The following ETNPPL variants were observed in gnomAD, a reference collection of about 807,000 sequenced individuals.
The protein encoded by ETNPPL is ethanolamine-phosphate phospho-lyase.
In ETNPPL, 30 loss-of-function variants were observed where a neutral mutation model predicts 55.5. That is an observed-to-expected ratio of 0.54 (90% CI 0.40 to 0.73). The LOEUF is 0.73. ETNPPL is among the 30% of genes least tolerant of loss of function. ETNPPL has a pLI of 0.00. For missense variants in ETNPPL, 528 were observed against 607.9 expected (o/e 0.87, Z 1.38); for synonymous variants, 202 against 207.2 (o/e 0.98, Z 0.21).
chr4:108,746,047 A>G (rs1479052977), intron 11 of ETNPPL, among the ~76,000 whole-genome samples: 4 of 152,152 alleles, frequency 2.6e-5, no homozygotes, highest in Non-Finnish European at 5.9e-5. Flanking sequence ...TTAATCACAC[A>G]ATGCTGAAAT....
intron 3 of ETNPPL, among the ~76,000 whole-genome samples, chr4:108,758,189 A>T (rs1729317287): frequency 6.6e-6 from 1 of 151,576 alleles, no homozygotes; most frequent in African/African-American, 2.4e-5. Flanking sequence ...ACAGGGTTTC[A>T]CCATGTTGGC....
chr4:108,757,747 T>C (rs1729285348), intron 3 of ETNPPL, among the ~76,000 whole-genome samples: 1 of 152,004 alleles, frequency 6.6e-6, no homozygotes, highest in South Asian at 2.1e-4. Context: ...GAGACCAGTC[T>C]GGGCAACATG....
intron 1 of ETNPPL, 115 bp downstream of exon 1, chr4:108,762,728 G>T: frequency 7.7e-7 from 1 of 1,294,618 alleles, no homozygotes; most frequent in Non-Finnish European, 1.1e-6. Context: ...AGGCGCGGCG[G>T]GCACGGAGTG....
intron 11 of ETNPPL, 30 bp from the exon 12 acceptor site, chr4:108,743,886 C>CA: frequency 6.8e-7 from 1 of 1,464,920 alleles, no homozygotes; most frequent in Non-Finnish European, 9.4e-7. Flanking sequence ...ATGGAGAAGA[C>CA]AAAATAACAT....
At chr4:108,760,458 T>C in intron 1 of ETNPPL, 152 bp from the exon 2 acceptor site, 1 of 507,330 alleles carries the variant, frequency 2.0e-6, no homozygotes, top group Non-Finnish European at 3.6e-6. Flanking sequence ...TCATTTCATG[T>C]AAACCTGGAA....
chr4:108,753,981 T>TC (rs1729078060), intron 5 of ETNPPL, among the ~76,000 whole-genome samples: 1 of 144,900 alleles, frequency 6.9e-6, no homozygotes, highest in Non-Finnish European at 1.5e-5. Context: ...TTCTTTTTTT[T>TC]TTTTTTTTTT....
intron 11 of ETNPPL, 60 bp downstream of exon 11, chr4:108,746,339 G>T (rs1261479084): frequency 2.0e-6 from 3 of 1,531,032 alleles, no homozygotes; most frequent in Non-Finnish European, 2.6e-6. Flanking sequence ...CTAGACCAGG[G>T]TTTGAGGGGT....
In ETNPPL at chr4:108,746,692, A is replaced by G. The variant is rs946200145; in HGVS notation, c.1172+70T>C. The G allele has an allele frequency of 7.2e-6, 11 of 1,529,230 alleles. No homozygotes were observed. The Admixed American group carries it at 1.2e-4, about 16-fold the overall frequency. 94.7% of individuals were successfully genotyped at this position (1,529,230 alleles called of 1,614,324 possible). The stretch of plus-strand genomic sequence containing the variant: ...TTTTTCAGAGGGATGGGAGGAAGTC[A>G]AGCAAGCTTTCAAGTGGGTAGGCAT... On this transcript the variant is annotated intron_variant, in intron 10 of 12. Transcript: ENST00000296486.
At chr4:108,761,069 G>T (rs761732207) in intron 1 of ETNPPL, among the ~76,000 whole-genome samples, 75 of 152,032 alleles carry the variant, frequency 4.9e-4, no homozygotes, top group Non-Finnish European at 9.9e-4. Context: ...ATTCTTCTAA[G>T]CATTTAATAT....
In ETNPPL at chr4:108,759,886, C is replaced by G. The variant is rs1314148182; in HGVS notation, c.198G>C (p.Val66=). ...CCATCTGTTTCAGGGCAGCTTTGAC[C>G]ACTCCTGGGTGACAGTGTCCCACTA... is the stretch of plus-strand genomic sequence containing the variant. ...VAHVGHCHPG[V]VKAALKQMEL... The change falls in exon 3 of 13, where the codon GTG becomes GTC. Residue 66 remains valine (V), a synonymous_variant. Transcript: ENST00000296486. 1.2e-6 allele frequency: 2 copies of G among 1,614,074 alleles called. No homozygotes were observed. The highest frequency in any genetic ancestry group is 1.7e-6 in the Non-Finnish European group (2 of 1,180,020).
At position 108,763,016 on chromosome 4, in the gene ETNPPL, G is replaced by T; in HGVS notation, c.-118C>A. ...CCTTCCTCCCGTTATCCCTCCTGGC[G>T]TTCTCTTGCCCGGGGCGTCGGAGGT... On this transcript the variant is annotated 5_prime_UTR_variant, in exon 1 of 13. Transcript: ENST00000296486. The T allele has an allele frequency of 1.1e-6, 1 of 913,808 alleles. No homozygotes were observed. The highest frequency in any genetic ancestry group is 1.7e-6 in the Non-Finnish European group (1 of 579,262). The allele number at this position is 913,808 out of a possible 1,614,324, so 56.6% of individuals were successfully genotyped here.
chr4:108,743,483 A>C (rs1578371979), intron 12 of ETNPPL, among the ~76,000 whole-genome samples: 1 of 152,222 alleles, frequency 6.6e-6, no homozygotes, highest in Non-Finnish European at 1.5e-5. Context: ...AAAAGCAGGA[A>C]GGAGGTTAGG....
chr4:108,745,062 C>T (rs1010813420), intron 11 of ETNPPL, among the ~76,000 whole-genome samples: 4 of 152,170 alleles, frequency 2.6e-5, no homozygotes, highest in South Asian at 4.2e-4. Flanking sequence ...AAAGCAAAAA[C>T]GACAATATCT....
intron 12 of ETNPPL, 80 bp from the exon 13 acceptor site, chr4:108,742,692 CACAA>C (rs1211013362): frequency 1.2e-5 from 18 of 1,536,954 alleles, no homozygotes; most frequent in Non-Finnish European, 1.5e-5. Flanking sequence ...CAAGTCCACA[CACAA>C]ACAAAGGACA....
chr4:108,746,573 C>T, intron 10 of ETNPPL, 44 bp from the exon 11 acceptor site: 6 of 1,595,048 alleles, frequency 3.8e-6, no homozygotes, highest in Non-Finnish European at 5.1e-6. Context: ...CAAAGGATAA[C>T]TACGATTACT....
chr4:108,743,988 C>T (rs150582254), intron 11 of ETNPPL, 132 bp from the exon 12 acceptor site: 104 of 642,994 alleles, frequency 1.6e-4, no homozygotes, highest in African/African-American at 1.5e-3. Flanking sequence ...ATGGGCTGGG[C>T]GCTGTGGCTC....
chr4:108,756,491 A>T lies in ETNPPL; in HGVS notation c.337T>A (p.Ser113Thr). ...LSVCYFTNSG[S>T]EANDLALRLA... is the part of the protein sequence containing the mutation. ...CGTAAGGCTAAGTCGTTGGCTTCGG[A>T]TCTATTAAGATAACATAGAGAGAGA... Residue 113 changes from serine (S) to threonine (T), a missense_variant and splice_region_variant, in exon 4 of 13, where the codon TCC becomes ACC. Transcript: ENST00000296486. The T allele has an allele frequency of 4.3e-6, 7 of 1,612,032 alleles. No individual in the cohort carries two copies. Among genetic ancestry groups the T allele is most frequent in the Non-Finnish European group, 5.9e-6 (7 of 1,178,102 alleles).
chr4:108,760,304 G>C lies in ETNPPL; in HGVS notation c.59C>G (p.Pro20Arg), dbSNP rs759059734. ...CGATGCAAAGAAAACTTTGCATGAGGGCCTAGAAATAATCAAAGGAAACAC... is the reference window on the plus strand; with the variant it reads ...CGATGCAAAGAAAACTTTGCATGAGCGCCTAGAAATAATCAAAGGAAACAC... Reference protein sequence around the residue: ...TLGLRKKHIGPSCKVFFASDP... With the variant: ...TLGLRKKHIGRSCKVFFASDP... Residue 20 changes from proline to arginine, a missense_variant and splice_region_variant, in exon 2 of 13, where the codon CCC becomes CGC. Transcript: ENST00000296486. 6.4e-7 allele frequency: 1 copy of C among 1,570,054 alleles called. No homozygotes were observed. Among genetic ancestry groups the C allele is most frequent in the Non-Finnish European group, 8.8e-7 (1 of 1,141,616 alleles).
chr4:108,756,504 A>G lies in ETNPPL; in HGVS notation c.336-12T>C. The G allele has an allele frequency of 2.5e-6, 4 of 1,605,346 alleles. No homozygotes were observed. Among genetic ancestry groups the G allele is most frequent in the Non-Finnish European group, 3.4e-6 (4 of 1,171,990 alleles). ...CGTTGGCTTCGGATCTATTAAGATA[A>G]CATAGAGAGAGAGGACACTGTGACA... is the stretch of plus-strand genomic sequence containing the variant. On this transcript the variant is annotated splice_polypyrimidine_tract_variant and intron_variant, in intron 3 of 12. Transcript: ENST00000296486.
Sources: gnomAD v4.1 joint callset for allele counts (sites outside exome capture counted in the v4.1 genomes callset) on GRCh38, gnomAD v4.1.1 for gene constraint, MANE v1.5 for transcripts, NCBI Gene and HGNC (gene_info 2026-07-23, HGNC 2026-07-21) for gene names.